Variants in PHGDH observed in about 807,000 individuals in gnomAD.
PHGDH encodes the protein D-3-phosphoglycerate dehydrogenase.
In PHGDH, 50 loss-of-function variants were observed where a neutral mutation model predicts 52.6. That is an observed-to-expected ratio of 0.95 (90% CI 0.76 to 1.20). PHGDH has a LOEUF of 1.20. Among genes scored for constraint, PHGDH ranks in the 50% most tolerant of loss-of-function variants. The pLI is 0.00. For missense variants in PHGDH, 630 were observed against 684.6 expected (o/e 0.92, Z 0.89); for synonymous variants, 271 against 280.5 (o/e 0.97, Z 0.34).
intron 2 of PHGDH, among the ~76,000 whole-genome samples, chr1:119,721,950 C>T (rs3790707): frequency 0.04 from 6,028 of 152,292 alleles, 177 homozygotes; most frequent in Middle Eastern, 0.072. Context: ...GTACTGTACC[C>T]GTTCTGTCAC....
intron 8 of PHGDH, among the ~76,000 whole-genome samples, chr1:119,738,781 G>A (rs1418732437): frequency 1.3e-5 from 2 of 152,070 alleles, no homozygotes; most frequent in Admixed American, 6.5e-5. Flanking sequence ...GCGAGGGGGT[G>A]GGGGAGGGAG....
intron 5 of PHGDH, among the ~76,000 whole-genome samples, chr1:119,733,454 C>G (rs12743359): frequency 0.025 from 3,768 of 151,330 alleles, 58 homozygotes; most frequent in Non-Finnish European, 0.031. Flanking sequence ...GATCCTCCTG[C>G]CTCAGCCTTC....
intron 1 of PHGDH, among the ~76,000 whole-genome samples, chr1:119,718,071 A>G (rs985750104): frequency 9.9e-5 from 15 of 152,208 alleles, no homozygotes; most frequent in African/African-American, 2.4e-4. Context: ...GCCTATTTCT[A>G]TTATCCCCCA....
chr1:119,723,313 T>G, intron 2 of PHGDH, 63 bp from the exon 3 acceptor site: 1 of 1,288,154 alleles, frequency 7.8e-7, no homozygotes. Flanking sequence ...GGCTTTCTCT[T>G]GGGGAAGGAG....
rs1340275757 is a variant in PHGDH, at chr1:119,721,207, T to G, written c.176T>G (p.Val59Gly). The G allele has an allele frequency of 4.3e-6, 7 of 1,614,146 alleles. No individual in the cohort carries two copies. Among genetic ancestry groups the G allele is most frequent in the Non-Finnish European group, 5.9e-6 (7 of 1,179,972 alleles). The part of the protein sequence containing the change: ...EGLIVRSATK[V>G]TADVINAAEK... ...CTTATTGTTCGCTCTGCCACCAAGGTGACCGCTGATGTCATCAACGCAGCT... is the reference window on the plus strand; with the variant it reads ...CTTATTGTTCGCTCTGCCACCAAGGGGACCGCTGATGTCATCAACGCAGCT... Residue 59 changes from valine (V) to glycine (G), a missense_variant, in exon 2 of 12, where the codon GTG becomes GGG. Physicochemically the swap from Val to Gly is moderately radical, Grantham distance 109 (BLOSUM62 -3). Transcript: ENST00000641023.
chr1:119,737,360 G>T, intron 8 of PHGDH, 94 bp downstream of exon 8: 7 of 1,094,072 alleles, frequency 6.4e-6, no homozygotes, highest in South Asian at 2.8e-5. Flanking sequence ...TGGGTGAATA[G>T]ATTCAGCCCT....
At chr1:119,742,498 G>T in intron 10 of PHGDH, 1 of 531,946 alleles carries the variant, frequency 1.9e-6, no homozygotes, top group South Asian at 2.0e-5. Flanking sequence ...GAGCAGGAGG[G>T]GCCAGAGTGG....
chr1:119,727,165 T>C (rs1305451786), intron 5 of PHGDH, 63 bp downstream of exon 5: 2 of 987,616 alleles, frequency 2.0e-6, no homozygotes, highest in Non-Finnish European at 1.6e-6. Flanking sequence ...AAAGGCAGCA[T>C]GTCTGGGCAG....
intron 8 of PHGDH, among the ~76,000 whole-genome samples, chr1:119,738,922 C>T (rs1222090094): frequency 1.3e-5 from 2 of 152,194 alleles, no homozygotes; most frequent in African/African-American, 4.8e-5. Context: ...GGAGGTGAAA[C>T]CTCTTGGTCA....
rs1557967706 is a variant in PHGDH, at chr1:119,721,154, GT to G, written c.139-10del. 2 of 1,613,950 alleles carry G rather than the reference GT, an allele frequency of 1.2e-6. No homozygotes were observed. Among genetic ancestry groups the G allele is most frequent in the Non-Finnish European group, 1.7e-6 (2 of 1,179,806 alleles). On this transcript the variant is annotated splice_polypyrimidine_tract_variant and intron_variant, in intron 1 of 11. Coordinates refer to ENST00000641023, the MANE Select transcript of PHGDH (RefSeq NM_006623.4). ...ACAGAATGACTTTCTGGACCCAAATGTTTTTTCTGCTTCAGGACTGTGAAGG... is the reference window on the plus strand; with the variant it reads ...ACAGAATGACTTTCTGGACCCAAATGTTTTTCTGCTTCAGGACTGTGAAGG...
At chr1:119,727,499 C>T (rs587648587) in intron 5 of PHGDH, 283 of 290,422 alleles carry the variant, frequency 9.7e-4, no homozygotes, top group African/African-American at 5.4e-3. Flanking sequence ...CAGTACACCT[C>T]GGGAGAGAGA....
chr1:119,717,854 A>G (rs929155550), intron 1 of PHGDH, among the ~76,000 whole-genome samples: 5 of 152,038 alleles, frequency 3.3e-5, no homozygotes, highest in East Asian at 1.9e-4. Flanking sequence ...CTGATGAGCA[A>G]TTTTCAGGCA....
At chr1:119,712,469 A>T in intron 1 of PHGDH, 1 of 385,814 alleles carries the variant, frequency 2.6e-6, no homozygotes, top group Non-Finnish European at 5.0e-6. Flanking sequence ...CCAGCGCGGG[A>T]TGCCAGCGCG....
intron 5 of PHGDH, among the ~76,000 whole-genome samples, chr1:119,733,829 T>C (rs1651810944): frequency 6.6e-6 from 1 of 152,182 alleles, no homozygotes; most frequent in African/African-American, 2.4e-5. Flanking sequence ...ACTCTTTACA[T>C]TCTGTCTCGG....
intron 9 of PHGDH, among the ~76,000 whole-genome samples, chr1:119,740,811 C>T (rs587654938): frequency 7.2e-5 from 11 of 152,164 alleles, no homozygotes; most frequent in South Asian, 4.2e-4. Flanking sequence ...GAGTTTCATG[C>T]GAGAGGTCGT....
At chr1:119,736,723 CA>C (rs1171933986) in intron 7 of PHGDH, among the ~76,000 whole-genome samples, 1 of 152,170 alleles carries the variant, frequency 6.6e-6, no homozygotes, top group African/African-American at 2.4e-5. Flanking sequence ...AGCCCAGTAA[CA>C]ACAACAACAG....
intron 2 of PHGDH, among the ~76,000 whole-genome samples, chr1:119,723,166 T>G (rs1361630852): frequency 6.6e-6 from 1 of 152,162 alleles, no homozygotes; most frequent in Non-Finnish European, 1.5e-5. Context: ...TGGAGGTCCC[T>G]CTGCAGGGAA....
intron 5 of PHGDH, 74 bp downstream of exon 5, chr1:119,727,176 A>T: frequency 1.1e-6 from 1 of 884,718 alleles, no homozygotes; most frequent in Non-Finnish European, 1.9e-6. Context: ...GTCTGGGCAG[A>T]AGCCAGAAGC....
At chr1:119,734,474 A>G (rs1651841469) in intron 5 of PHGDH, 160 bp from the exon 6 acceptor site, 1 of 749,862 alleles carries the variant, frequency 1.3e-6, no homozygotes, top group Admixed American at 1.8e-5. Flanking sequence ...TAGTATGTGG[A>G]ACATGGTACT....
Sources: gnomAD v4.1 joint callset for allele counts (sites outside exome capture counted in the v4.1 genomes callset) on GRCh38, gnomAD v4.1.1 for gene constraint, MANE v1.5 for transcripts, NCBI Gene and HGNC (gene_info 2026-07-23, HGNC 2026-07-21) for gene names.